Variants in IFT81 observed in about 807,000 individuals in gnomAD.
IFT81 encodes the protein intraflagellar transport protein 81 homolog.
A neutral mutation model predicts 102.6 loss-of-function variants in IFT81; 72 were observed. The observed-to-expected ratio is 0.70, with a 90% CI of 0.58 to 0.85. The LOEUF is 0.85. Ranked by LOEUF, IFT81 falls within the 40% of genes least tolerant of loss-of-function variation. The probability of loss-of-function intolerance (pLI) is 0.00; values close to 1 mark genes in which losing one functional copy is unlikely to be tolerated. For synonymous variants in IFT81, 237 were observed against 242.7 expected (o/e 0.98, Z 0.22); for missense variants, 723 against 787.3 (o/e 0.92, Z 0.98).
Position 110,128,102 on chromosome 12 carries a change from C to A in IFT81, c.201C>A (p.Ser67Arg), listed in dbSNP as rs748400822. 2.2e-5 allele frequency: 36 copies of A among 1,613,240 alleles called. No homozygotes were observed. The highest frequency in any genetic ancestry group is 1.6e-4 in the Middle Eastern group (1 of 6,084). Residue 67 changes from serine (S) to arginine (R), a missense_variant, in exon 3 of 19, where the codon AGC (serine) becomes AGA (arginine). Ser to Arg is a moderately radical substitution (Grantham distance 110, BLOSUM62 -1). Coordinates refer to ENST00000242591, the MANE Select transcript of IFT81 (RefSeq NM_014055.4). ...AGCAGACAGCCAAACGAATGTTGAG[C>A]CTTCTTGGTATTCTTAAGTACAAAC... ...MPEQTAKRMLSLLGILKYKPS... is the reference protein window; with the variant it reads ...MPEQTAKRMLRLLGILKYKPS...
chr12:110,150,616 T>G (rs1895473497), intron 10 of IFT81, among the ~76,000 whole-genome samples: 1 of 152,196 alleles, frequency 6.6e-6, no homozygotes, highest in Admixed American at 6.5e-5. Context: ...TTTTGTCCAG[T>G]GGAACCAACA....
chr12:110,176,915 C>G (rs1897058340), intron 11 of IFT81, among the ~76,000 whole-genome samples: 2 of 152,272 alleles, frequency 1.3e-5, no homozygotes, highest in Admixed American at 6.5e-5. Context: ...GAAAATTGGC[C>G]TCTATATTAC....
chr12:110,129,980 G>C (rs777521713), intron 4 of IFT81, among the ~76,000 whole-genome samples: 16 of 152,110 alleles, frequency 1.1e-4, no homozygotes, highest in Non-Finnish European at 1.9e-4. Flanking sequence ...ATAGAGACAG[G>C]TGCCATGTCT....
intron 11 of IFT81, among the ~76,000 whole-genome samples, chr12:110,166,970 T>C (rs946759885): frequency 2.0e-5 from 3 of 152,110 alleles, no homozygotes; most frequent in African/African-American, 2.4e-5. Context: ...TGTAACAAGT[T>C]CTAGACATAT....
At chr12:110,215,432 TC>T (rs1566176910) in intron 18 of IFT81, among the ~76,000 whole-genome samples, 1 of 150,332 alleles carries the variant, frequency 6.7e-6, no homozygotes, top group African/African-American at 2.5e-5. Flanking sequence ...CTTTTCTTTT[TC>T]TTCTCTTCTT....
chr12:110,151,018 T>C lies in IFT81; in HGVS notation c.1041+3970T>C, dbSNP rs1163676710. 2.0e-5 allele frequency among the ~76,000 whole-genome samples: 3 copies of C among 152,200 alleles called. No homozygotes were observed. The East Asian group carries it at 5.8e-4, about 29-fold the overall frequency. On this transcript the variant is annotated intron_variant, in intron 10 of 18. Coordinates refer to ENST00000242591, the MANE Select transcript of IFT81 (RefSeq NM_014055.4). ...TTGTTCCTTTTTAAAAATACCTTGATTGAGATATAATTCACATACCATATA... is the reference window on the plus strand; with the variant it reads ...TTGTTCCTTTTTAAAAATACCTTGACTGAGATATAATTCACATACCATATA...
intron 10 of IFT81, among the ~76,000 whole-genome samples, chr12:110,155,320 T>G (rs1895777995): frequency 6.6e-6 from 1 of 150,940 alleles, no homozygotes; most frequent in African/African-American, 2.5e-5. Flanking sequence ...TCTTGGGGGG[T>G]TTTTTTTGAG....
chr12:110,163,764 C>T (rs567312990), intron 11 of IFT81, among the ~76,000 whole-genome samples: 1 of 151,596 alleles, frequency 6.6e-6, no homozygotes, highest in East Asian at 1.9e-4. Context: ...TACAGGTGGA[C>T]GTCACCAGGC....
chr12:110,208,332 G>A (rs931212523), intron 17 of IFT81, among the ~76,000 whole-genome samples: 1 of 152,010 alleles, frequency 6.6e-6, no homozygotes, highest in Non-Finnish European at 1.5e-5. Context: ...GCAAAACCCT[G>A]TGTCTACCAA....
chr12:110,216,348 A>G (rs1440506190), intron 18 of IFT81, among the ~76,000 whole-genome samples: 1 of 151,794 alleles, frequency 6.6e-6, no homozygotes, highest in Non-Finnish European at 1.5e-5. Context: ...TGCCACCACC[A>G]TGCCCAGATA....
At chr12:110,160,121 TAGTC>T (rs1187591386) in intron 10 of IFT81, among the ~76,000 whole-genome samples, 1 of 152,172 alleles carries the variant, frequency 6.6e-6, no homozygotes, top group Admixed American at 6.5e-5. Context: ...CCTATTGTAT[TAGTC>T]AGGGTTATCC....
chr12:110,129,687 G>A (rs775393613), intron 4 of IFT81, among the ~76,000 whole-genome samples: 2 of 152,144 alleles, frequency 1.3e-5, no homozygotes, highest in Non-Finnish European at 2.9e-5. Context: ...AGGTTTTGGA[G>A]TAACATTGGG....
At chr12:110,173,095 C>T (rs1273502624) in intron 11 of IFT81, among the ~76,000 whole-genome samples, 1 of 143,140 alleles carries the variant, frequency 7.0e-6, no homozygotes, top group Non-Finnish European at 1.5e-5. Context: ...CCCGACCAGC[C>T]GCCCCATCCG....
In IFT81 at chr12:110,192,683, C is replaced by T. The variant is rs200335504; in HGVS notation, c.1534C>T (p.Arg512Ter). ...TCTTGCCTCAGTTATAAAAGAGCTA[C>T]GACAGTTGCGTCAAAAATATCAAGT... ...SALASVIKEL[R>*]QLRQKYQELT... Residue 512 changes from arginine to a stop codon, truncating the protein, a stop_gained, in exon 14 of 19, where the codon CGA becomes TGA. Coordinates refer to ENST00000242591, the MANE Select transcript of IFT81 (RefSeq NM_014055.4). LOFTEE classifies it high-confidence loss of function. The T allele has an allele frequency of 7.5e-5, 119 of 1,578,790 alleles. No homozygotes were observed. Among genetic ancestry groups the T allele is most frequent in the Middle Eastern group, 1.9e-4 (1 of 5,400 alleles).
intron 11 of IFT81, among the ~76,000 whole-genome samples, chr12:110,174,481 C>A (rs1049193064): frequency 2.0e-5 from 3 of 148,398 alleles, no homozygotes; most frequent in Non-Finnish European, 3.0e-5. Flanking sequence ...AAAAAAATGG[C>A]TTTGTGTTTC....
At chr12:110,165,173 C>T (rs1328116868) in intron 11 of IFT81, among the ~76,000 whole-genome samples, 2 of 151,064 alleles carry the variant, frequency 1.3e-5, no homozygotes, top group African/African-American at 2.4e-5. Context: ...AATGTCTGGT[C>T]GGAAAAGAAC....
At chr12:110,184,657 C>T (rs1228685237) in intron 12 of IFT81, among the ~76,000 whole-genome samples, 1 of 152,144 alleles carries the variant, frequency 6.6e-6, no homozygotes, top group Non-Finnish European at 1.5e-5. Flanking sequence ...AGGTCTGACA[C>T]CTGTGAAAGG....
At chr12:110,144,996 G>T in intron 9 of IFT81, among the ~76,000 whole-genome samples, 1 of 147,036 alleles carries the variant, frequency 6.8e-6, no homozygotes. Flanking sequence ...CTCTCGACTA[G>T]CTGGGATTAC....
chr12:110,209,878 G>A (rs1175752163), intron 18 of IFT81, among the ~76,000 whole-genome samples: 4 of 151,660 alleles, frequency 2.6e-5, no homozygotes, highest in South Asian at 4.2e-4. Context: ...TAGTCTAAGC[G>A]CTTTACAAAC....
Sources: gnomAD v4.1 joint callset for allele counts (sites outside exome capture counted in the v4.1 genomes callset) on GRCh38, gnomAD v4.1.1 for gene constraint, MANE v1.5 for transcripts, NCBI Gene and HGNC (gene_info 2026-07-23, HGNC 2026-07-21) for gene names.